EBF1: variants seen among roughly 807,000 people sequenced by gnomAD.
EBF1 encodes transcription factor COE1.
A neutral mutation model predicts 68.4 loss-of-function variants in EBF1; 10 were observed. That is an observed-to-expected ratio of 0.15 (90% CI 0.09 to 0.25). EBF1 has a LOEUF of 0.25. Ranked by LOEUF, EBF1 falls within the 10% of genes least tolerant of loss-of-function variation. The probability of loss-of-function intolerance (pLI) is 1.00; values close to 1 mark genes in which losing one functional copy is unlikely to be tolerated. For missense variants in EBF1, 509 were observed against 794.4 expected (o/e 0.64, Z 4.32); for synonymous variants, 298 against 299.8 (o/e 0.99, Z 0.06).
rs369891629 is a variant in EBF1 at position 159,003,144 on chromosome 5, CT to C, written c.554+70251del. 3.6e-3 allele frequency among the ~76,000 whole-genome samples: 551 copies of C among 152,310 alleles called. 3 individuals carry two copies. Among genetic ancestry groups the C allele is most frequent in the African/African-American group, 0.012 (504 of 41,568 alleles). ...TGCACTGGCATCTTTATCTTTCTGTCTGTTTGAACTGCTTTAATTGGCTCTT... is the reference window on the plus strand; with the variant it reads ...TGCACTGGCATCTTTATCTTTCTGTCGTTTGAACTGCTTTAATTGGCTCTT... On this transcript the variant is annotated intron_variant, in intron 6 of 15. Coordinates refer to ENST00000313708, the MANE Select transcript of EBF1 (RefSeq NM_024007.5).
At chr5:158,837,209 C>T (rs994382476) in intron 7 of EBF1, among the ~76,000 whole-genome samples, 1 of 152,172 alleles carries the variant, frequency 6.6e-6, no homozygotes, top group Non-Finnish European at 1.5e-5. Flanking sequence ...TCTCTACTAG[C>T]ATCTGGAGGG....
chr5:158,810,740 C>A (rs1028434158), intron 8 of EBF1, among the ~76,000 whole-genome samples: 3 of 152,148 alleles, frequency 2.0e-5, no homozygotes, highest in African/African-American at 7.2e-5. Flanking sequence ...TTGGGTTCTG[C>A]TTTCATGCTT....
intron 6 of EBF1, among the ~76,000 whole-genome samples, chr5:159,003,427 T>C (rs1266891537): frequency 1.4e-5 from 2 of 147,930 alleles, no homozygotes; most frequent in African/African-American, 5.0e-5. Flanking sequence ...GTATTTTGAA[T>C]ACCACTAGAA....
intron 6 of EBF1, among the ~76,000 whole-genome samples, chr5:158,855,803 A>G (rs1373895161): frequency 6.6e-6 from 1 of 152,232 alleles, no homozygotes; most frequent in Non-Finnish European, 1.5e-5. Flanking sequence ...ACCTCTGGTC[A>G]TCTGTAGCAT....
chr5:158,931,380 A>G (rs531156073), intron 6 of EBF1, among the ~76,000 whole-genome samples: 1 of 152,266 alleles, frequency 6.6e-6, no homozygotes, highest in African/African-American at 2.4e-5. Flanking sequence ...GAAAAATGAA[A>G]ATTGTTTTCC....
chr5:158,812,556 AC>A (rs1782880034), intron 8 of EBF1, among the ~76,000 whole-genome samples: 1 of 151,942 alleles, frequency 6.6e-6, no homozygotes. Flanking sequence ...AAACAGAGCC[AC>A]CCCCTTCCGG....
intron 6 of EBF1, among the ~76,000 whole-genome samples, chr5:159,017,870 T>C (rs1765919436): frequency 6.6e-6 from 1 of 152,220 alleles, no homozygotes; most frequent in African/African-American, 2.4e-5. Flanking sequence ...AATGCATCAC[T>C]GAAAGGACAG....
chr5:159,082,876 A>T (rs1389998118), intron 5 of EBF1, among the ~76,000 whole-genome samples: 1 of 152,218 alleles, frequency 6.6e-6, no homozygotes, highest in Admixed American at 6.5e-5. Flanking sequence ...ATGTTTCTGA[A>T]AAATAGAAAG....
chr5:158,713,233 A>C lies in EBF1; in HGVS notation c.1192-86T>G, dbSNP rs1289358291. ...TTTTTCGGTGCCAGGTACCGTGCTC[A>C]GGGTTTTCAATGGTCAGCTGCATTA... On this transcript the variant is annotated intron_variant, in intron 12 of 15. Coordinates refer to ENST00000313708, the MANE Select transcript of EBF1 (RefSeq NM_024007.5). 5.0e-6 allele frequency: 6 copies of C among 1,201,810 alleles called. 1 individual carries two copies. The highest frequency in any genetic ancestry group is 5.3e-6 in the Non-Finnish European group (5 of 936,280). The allele number at this position is 1,201,810 out of a possible 1,614,324, so 74.4% of individuals were successfully genotyped here.
intron 9 of EBF1, among the ~76,000 whole-genome samples, chr5:158,784,110 G>T (rs1321961277): frequency 6.6e-6 from 1 of 152,134 alleles, no homozygotes; most frequent in East Asian, 1.9e-4. Context: ...ACCTTTTGTT[G>T]TCTTTTTCCC....
chr5:159,092,830 G>C (rs1171603535), intron 4 of EBF1, among the ~76,000 whole-genome samples: 1 of 152,086 alleles, frequency 6.6e-6, no homozygotes, highest in Non-Finnish European at 1.5e-5. Context: ...TATCAGACCA[G>C]AAGTGTTTCA....
chr5:159,039,437 A>G (rs1019343701), intron 6 of EBF1, among the ~76,000 whole-genome samples: 55 of 152,240 alleles, frequency 3.6e-4, no homozygotes, highest in African/African-American at 1.3e-3. Context: ...AAACTACTAT[A>G]TAAACTACTG....
intron 7 of EBF1, among the ~76,000 whole-genome samples, chr5:158,834,969 T>C (rs909677739): frequency 1.3e-5 from 2 of 152,218 alleles, no homozygotes; most frequent in Admixed American, 6.5e-5. Flanking sequence ...AAAAGCCACA[T>C]TGACATGTAA....
chr5:158,892,868 G>T (rs1018503522), intron 6 of EBF1, among the ~76,000 whole-genome samples: 3 of 151,912 alleles, frequency 2.0e-5, no homozygotes, highest in African/African-American at 7.2e-5. Flanking sequence ...TAATGATTTT[G>T]CTCACTCAGC....
At chr5:158,849,675 C>A (rs1211688806) in intron 6 of EBF1, among the ~76,000 whole-genome samples, 2 of 152,178 alleles carry the variant, frequency 1.3e-5, no homozygotes, top group African/African-American at 4.8e-5. Context: ...GAATACACAG[C>A]TGACTTAAAC....
At chr5:158,972,414 A>G (rs1755835042) in intron 6 of EBF1, among the ~76,000 whole-genome samples, 1 of 152,222 alleles carries the variant, frequency 6.6e-6, no homozygotes, top group African/African-American at 2.4e-5. Context: ...AATAAGTACA[A>G]TGGATCTGTT....
intron 9 of EBF1, among the ~76,000 whole-genome samples, chr5:158,786,831 A>G (rs989839374): frequency 6.6e-6 from 1 of 152,214 alleles, no homozygotes; most frequent in Admixed American, 6.5e-5. Flanking sequence ...GGAATTAGTA[A>G]AGAAAAATAT....
intron 6 of EBF1, among the ~76,000 whole-genome samples, chr5:158,950,687 G>A (rs138967195): frequency 1.3e-5 from 2 of 152,190 alleles, no homozygotes; most frequent in South Asian, 2.1e-4. Context: ...AAAGGAAAAG[G>A]CTATAAATGA....
chr5:158,788,463 G>A (rs1423466717), intron 9 of EBF1, among the ~76,000 whole-genome samples: 1 of 152,152 alleles, frequency 6.6e-6, no homozygotes, highest in Non-Finnish European at 1.5e-5. Context: ...TAAAATGAAT[G>A]TTGGTTGAGG....
Sources: allele counts gnomAD v4.1 joint callset (sites outside exome capture counted in the v4.1 genomes callset), GRCh38; gene constraint gnomAD v4.1.1; transcripts MANE v1.5; gene names NCBI Gene and HGNC (gene_info 2026-07-23, HGNC 2026-07-21).